Variants in GRID1 observed in about 807,000 individuals in gnomAD.
GRID1 encodes glutamate receptor ionotropic, delta-1.
Under a neutral mutation model 98.0 loss-of-function variants are expected in GRID1, and 28 were observed. The observed-to-expected ratio is 0.29, with a 90% CI of 0.21 to 0.39. The LOEUF (loss-of-function observed/expected upper bound fraction) is 0.39. Among genes scored for constraint, GRID1 ranks in the 10% least tolerant of loss-of-function variants. The probability of loss-of-function intolerance (pLI) is 1.00; values close to 1 mark genes in which losing one functional copy is unlikely to be tolerated. For synonymous variants in GRID1, 553 were observed against 538.5 expected, an observed-to-expected ratio of 1.03 and a Z score of -0.37; for missense variants, 1,111 against 1,340.5, an observed-to-expected ratio of 0.83 and a Z score of 2.67.
Position 85,738,174 on chromosome 10 carries a change from T to G in GRID1, c.1234-8560A>C, listed in dbSNP as rs185500238. 9.2e-5 allele frequency among the ~76,000 whole-genome samples: 14 copies of G among 152,230 alleles called. No individual in the cohort carries two copies. In the East Asian group the frequency reaches 2.1e-3, roughly 23 times the overall value. ...GTGTGTACCCAATAAAGGATATGTA[T>G]CAGGTATACATAAAGAAAACTTACA... On this transcript the variant is annotated intron_variant, in intron 8 of 15. Coordinates refer to ENST00000327946, the MANE Select transcript of GRID1 (RefSeq NM_017551.3).
At chr10:85,824,081 T>C (rs1842796980) in intron 8 of GRID1, among the ~76,000 whole-genome samples, 1 of 152,218 alleles carries the variant, frequency 6.6e-6, no homozygotes. Flanking sequence ...ATGATCATTA[T>C]TCAAAAAATA....
chr10:85,807,407 T>C (rs572514229), intron 8 of GRID1, among the ~76,000 whole-genome samples: 22 of 151,398 alleles, frequency 1.5e-4, no homozygotes, highest in Middle Eastern at 3.4e-3. Context: ...GATTAAGAAT[T>C]AGTAATTTTA....
rs539945186 is a variant in GRID1, at chr10:86,228,159, G to A, written c.236-21511C>T. 2.6e-5 allele frequency among the ~76,000 whole-genome samples: 4 copies of A among 151,278 alleles called. No homozygotes were observed. In the East Asian group the frequency reaches 7.8e-4, roughly 30 times the overall value. On this transcript the variant is annotated intron_variant, in intron 2 of 15. Transcript: ENST00000327946. ...TGGGTGAGTAGGTGGGTGGATGGAT[G>A]TGTAGGTGGTTGGTTGAGTAGGTGG...
At chr10:86,297,784 T>C (rs1847616490) in intron 2 of GRID1, among the ~76,000 whole-genome samples, 1 of 152,206 alleles carries the variant, frequency 6.6e-6, no homozygotes, top group Non-Finnish European at 1.5e-5. Context: ...AGCAGATGAA[T>C]GGGCTGGACA....
chr10:86,010,404 G>A (rs1842910122), intron 4 of GRID1, among the ~76,000 whole-genome samples: 1 of 152,178 alleles, frequency 6.6e-6, no homozygotes, highest in Admixed American at 6.5e-5. Flanking sequence ...CTGTATGTTT[G>A]ATTACAAATC....
At chr10:85,612,258 G>A (rs922146404) in intron 15 of GRID1, among the ~76,000 whole-genome samples, 33 of 152,126 alleles carry the variant, frequency 2.2e-4, no homozygotes, top group African/African-American at 8.0e-4. Context: ...ACACATGGTG[G>A]ACCCAGCCTT....
intron 4 of GRID1, among the ~76,000 whole-genome samples, chr10:85,937,382 C>T (rs1040183389): frequency 6.6e-6 from 1 of 152,172 alleles, no homozygotes; most frequent in Non-Finnish European, 1.5e-5. Context: ...CCCCGGTGGG[C>T]ATCAGAAAAC....
intron 4 of GRID1, among the ~76,000 whole-genome samples, chr10:86,024,670 C>A (rs1843093849): frequency 6.6e-6 from 1 of 152,196 alleles, no homozygotes; most frequent in African/African-American, 2.4e-5. Flanking sequence ...TGGCTGGCTG[C>A]AACCCAGACT....
intron 4 of GRID1, among the ~76,000 whole-genome samples, chr10:85,978,200 A>G (rs897255608): frequency 1.3e-5 from 2 of 152,156 alleles, no homozygotes; most frequent in African/African-American, 2.4e-5. Context: ...AATCCCCCAA[A>G]GCCACATCCT....
At chr10:85,700,867 A>G (rs1309866372) in intron 12 of GRID1, among the ~76,000 whole-genome samples, 2 of 152,226 alleles carry the variant, frequency 1.3e-5, no homozygotes, top group South Asian at 2.1e-4. Context: ...GAATGTATAG[A>G]TTCCTAAGAC....
chr10:85,663,597 A>G (rs996131946), intron 12 of GRID1, among the ~76,000 whole-genome samples: 1 of 151,982 alleles, frequency 6.6e-6, no homozygotes, highest in South Asian at 2.1e-4. Flanking sequence ...TTCCCTAATC[A>G]TGGTACTCGT....
rs73340259 is a variant in GRID1 at position 86,340,584 on chromosome 10, G to C, written c.235+23357C>G. Among the ~76,000 whole-genome samples, 1,358 of 152,274 alleles carry C rather than the reference G, an allele frequency of 8.9e-3. 14 individuals carry two copies. The highest frequency in any genetic ancestry group is 0.023 in the South Asian group (112 of 4,824). ...AACTCTGCAGGTGAATACTCCAGGG[G>C]CACAGGGGCCTCCGGGGGAGTAAGG... On this transcript the variant is annotated intron_variant, in intron 2 of 15. Transcript: ENST00000327946.
chr10:85,675,165 A>G (rs1028110359), intron 12 of GRID1, among the ~76,000 whole-genome samples: 2 of 152,198 alleles, frequency 1.3e-5, no homozygotes, highest in Admixed American at 6.5e-5. Flanking sequence ...GAAATTATTC[A>G]TACTCTTGGA....
At chr10:86,011,109 TAATAGCCGATTGC>T (rs201538223) in intron 4 of GRID1, among the ~76,000 whole-genome samples, 4,038 of 152,256 alleles carry the variant, frequency 0.027, 100 homozygotes, top group Non-Finnish European at 0.042. Flanking sequence ...GAGGATTACT[TAATAGCCGATTGC>T]AATAAGAAGT....
intron 8 of GRID1, among the ~76,000 whole-genome samples, chr10:85,786,990 G>A (rs1049018493): frequency 1.3e-5 from 2 of 152,192 alleles, no homozygotes; most frequent in Non-Finnish European, 2.9e-5. Context: ...CCATGGCTGG[G>A]GCTTGCCCCA....
At chr10:85,776,184 G>T (rs1380708437) in intron 8 of GRID1, among the ~76,000 whole-genome samples, 1 of 152,120 alleles carries the variant, frequency 6.6e-6, no homozygotes, top group Non-Finnish European at 1.5e-5. Flanking sequence ...TTGGTGTAAG[G>T]CCTTTGCTGC....
At chr10:85,758,165 T>C (rs1218600733) in intron 8 of GRID1, among the ~76,000 whole-genome samples, 1 of 152,244 alleles carries the variant, frequency 6.6e-6, no homozygotes, top group African/African-American at 2.4e-5. Flanking sequence ...TCTTTGAACT[T>C]CAGATTTTTC....
intron 12 of GRID1, among the ~76,000 whole-genome samples, chr10:85,716,155 T>C (rs950628068): frequency 1.1e-4 from 17 of 152,054 alleles, no homozygotes; most frequent in African/African-American, 4.1e-4. Flanking sequence ...GATTCACCAG[T>C]CTCAGCCTCC....
At chr10:86,094,830 G>GAA (rs35843077) in intron 4 of GRID1, among the ~76,000 whole-genome samples, 7 of 133,728 alleles carry the variant, frequency 5.2e-5, no homozygotes, top group Non-Finnish European at 8.3e-5. Context: ...CACAGAATTA[G>GAA]AAAAAAAAAA....
Sources: gnomAD v4.1 joint callset for allele counts (sites outside exome capture counted in the v4.1 genomes callset) on GRCh38, gnomAD v4.1.1 for gene constraint, MANE v1.5 for transcripts, NCBI Gene and HGNC (gene_info 2026-07-23, HGNC 2026-07-21) for gene names.